Variants in P2RX7 observed in about 807,000 individuals in gnomAD.
P2RX7 encodes P2X purinoceptor 7.
P2RX7 carries 62 observed loss-of-function variants against 71.6 expected under a neutral mutation model. The ratio of observed to expected loss-of-function variants is 0.87; its 90% CI spans 0.71 to 1.07. P2RX7 has a LOEUF of 1.07. Ranked by LOEUF, P2RX7 falls within the 50% of genes least tolerant of loss-of-function variation. P2RX7 has a pLI of 0.00. For missense variants in P2RX7, 686 were observed against 748.5 expected, an observed-to-expected ratio of 0.92 and a Z score of 0.97; for synonymous variants, 299 against 283.3, an observed-to-expected ratio of 1.06 and a Z score of -0.56.
chr12:121,144,338 C>A (rs1819057690), intron 1 of P2RX7, among the ~76,000 whole-genome samples: 1 of 152,192 alleles, frequency 6.6e-6, no homozygotes, highest in Admixed American at 6.5e-5. Context: ...GCTGGGATTA[C>A]AGACGTGCAC....
Position 121,154,772 on chromosome 12 carries a change from G to A in P2RX7, c.126-13G>A. On this transcript the variant is annotated splice_polypyrimidine_tract_variant and intron_variant, in intron 1 of 12. Coordinates refer to ENST00000328963, the MANE Select transcript of P2RX7 (RefSeq NM_002562.6). This position sits in a 1 kb window ranked among gnomAD's most constrained non-coding sequence, Gnocchi z 4.2. ...ATGCCTCCCGTTGATGCTTTCCCATGTCTGCCATTTAGCTTTGCTCTGGTG... is the reference window on the plus strand; with the variant it reads ...ATGCCTCCCGTTGATGCTTTCCCATATCTGCCATTTAGCTTTGCTCTGGTG... The A allele has an allele frequency of 6.3e-7, 1 of 1,582,158 alleles. No individual in the cohort carries two copies. The highest frequency in any genetic ancestry group is 8.7e-7 in the Non-Finnish European group (1 of 1,150,864).
intron 1 of P2RX7, among the ~76,000 whole-genome samples, chr12:121,133,843 C>T (rs67691679): frequency 0.049 from 7,410 of 152,220 alleles, 224 homozygotes; most frequent in South Asian, 0.071. Context: ...TGGCACTTAG[C>T]GTGTTTTCAA....
At chr12:121,184,224 A>T in intron 12 of P2RX7, 81 bp from the exon 13 acceptor site, 1 of 1,460,856 alleles carries the variant, frequency 6.8e-7, no homozygotes, top group Non-Finnish European at 9.1e-7. Flanking sequence ...ATTAAACGTA[A>T]CTTTATAAGT....
chr12:121,162,130 A>G (rs1195986342), intron 4 of P2RX7: 1 of 662,348 alleles, frequency 1.5e-6, no homozygotes, highest in Non-Finnish European at 2.1e-6. Context: ...AAGTGAGAGC[A>G]TACACCTGTT....
At chr12:121,145,978 A>G (rs1385771530) in intron 1 of P2RX7, among the ~76,000 whole-genome samples, 1 of 152,206 alleles carries the variant, frequency 6.6e-6, no homozygotes, top group Non-Finnish European at 1.5e-5. Flanking sequence ...GAAAATTATC[A>G]TCATCATCTT....
chr12:121,169,987 C>CTTAGTG (rs1214618372), intron 8 of P2RX7, among the ~76,000 whole-genome samples: 9 of 152,250 alleles, frequency 5.9e-5, no homozygotes, highest in African/African-American at 2.2e-4. Flanking sequence ...ATCACTGTCC[C>CTTAGTG]CGCCACTCCT....
rs113350871 is a variant in P2RX7, at chr12:121,175,322, A to AAAAC, written c.882-63_882-62insCAAA. ...TGAGACCCTGTCTCAAAAAAAAAAA[A>AAAAC]AAAAAAACCCAAAACCCAGCACTTT... On this transcript the variant is annotated intron_variant, in intron 8 of 12. Coordinates refer to ENST00000328963, the MANE Select transcript of P2RX7 (RefSeq NM_002562.6). 6.3e-3 allele frequency: 6,276 copies of AAAAC among 996,288 alleles called. 298 individuals carry two copies. In the African/African-American group the frequency reaches 0.094, roughly 15 times the overall value. The allele number at this position is 996,288 out of a possible 1,614,324, so 61.7% of individuals were successfully genotyped here.
rs1884627829 is a variant in P2RX7 at position 121,184,344 on chromosome 12, CT to C, written c.1331del (p.Leu444ArgfsTer162). The C allele has an allele frequency of 6.2e-7, 1 of 1,613,696 alleles. No individual in the cohort carries two copies. Among genetic ancestry groups the C allele is most frequent in the Non-Finnish European group, 8.5e-7 (1 of 1,179,782 alleles). On this transcript the variant is annotated frameshift_variant, in exon 13 of 13. Transcript: ENST00000328963. LOFTEE classifies it low-confidence loss of function (END_TRUNC). The stretch of plus-strand genomic sequence containing the variant: ...CTTCACAGATTTGTCCAGGCTGCCC[CT>C]GGCCCTCCATGACACACCCCCGATT... Reference protein sequence around the residue: ...MDFTDLSRLPLALHDTPPIPG... With the variant: ...MDFTDLSRLPXALHDTPPIPG...
intron 1 of P2RX7, among the ~76,000 whole-genome samples, chr12:121,146,488 C>T (rs1006346311): frequency 6.6e-5 from 10 of 151,746 alleles, no homozygotes; most frequent in Admixed American, 2.0e-4. Flanking sequence ...GACGGGGTTT[C>T]ACCATGTTGG....
intron 1 of P2RX7, among the ~76,000 whole-genome samples, chr12:121,151,655 GTA>G (rs1877429788): frequency 6.6e-6 from 1 of 152,028 alleles, no homozygotes; most frequent in Admixed American, 6.6e-5. Flanking sequence ...ATTAACCACT[GTA>G]AACATGAACA....
At chr12:121,166,713 C>T (rs1329096035) in intron 7 of P2RX7, among the ~76,000 whole-genome samples, 3 of 151,968 alleles carry the variant, frequency 2.0e-5, no homozygotes, top group African/African-American at 7.3e-5. Flanking sequence ...ATTTAAGGAC[C>T]AACTGGATAA....
chr12:121,183,189 AT>A (rs1884416133), intron 12 of P2RX7, among the ~76,000 whole-genome samples: 2 of 145,840 alleles, frequency 1.4e-5, no homozygotes, highest in African/African-American at 2.5e-5. Context: ...AAAAAAAAAA[AT>A]TCTTTCTCTA....
chr12:121,151,214 A>G (rs1877324286), intron 1 of P2RX7, among the ~76,000 whole-genome samples: 1 of 151,892 alleles, frequency 6.6e-6, no homozygotes, highest in South Asian at 2.1e-4. Flanking sequence ...AGCATGGGCA[A>G]CATAGCAAGA....
chr12:121,171,050 C>T (rs905995936), intron 8 of P2RX7, among the ~76,000 whole-genome samples: 6 of 152,140 alleles, frequency 3.9e-5, no homozygotes, highest in African/African-American at 9.7e-5. Context: ...CCAGAATGCA[C>T]GACGCGCTTC....
chr12:121,166,511 A>G (rs208311), intron 7 of P2RX7, among the ~76,000 whole-genome samples: 45,385 of 151,994 alleles, frequency 0.3, 6,992 homozygotes, highest in African/African-American at 0.33. Flanking sequence ...GAGCCAGGGC[A>G]GTGCTCCCTC....
At chr12:121,180,757 G>T (rs1438218696) in intron 12 of P2RX7, among the ~76,000 whole-genome samples, 1 of 152,074 alleles carries the variant, frequency 6.6e-6, no homozygotes, top group East Asian at 1.9e-4. Context: ...GAGGTCAGGA[G>T]TTCGAGACCA....
In P2RX7 at chr12:121,186,353, G is replaced by C. The variant is rs769229564; in HGVS notation, c.*1551G>C. 1 of 152,248 alleles carries C rather than the reference G, an allele frequency of 6.6e-6. No individual in the cohort carries two copies. The highest frequency in any genetic ancestry group is 1.5e-5 in the Non-Finnish European group (1 of 68,066). The allele number at this position is 152,248 out of a possible 1,614,324, so 9.4% of individuals were successfully genotyped here. ...TCCACAGCAACAGGTAACTGGAACA[G>C]AGGGCAAGCCTGATGAATGGGCACA... On this transcript the variant is annotated 3_prime_UTR_variant, in exon 13 of 13. Transcript: ENST00000328963.
chr12:121,154,911 G>A lies in P2RX7; in HGVS notation c.252G>A (p.Val84=). 6.2e-7 allele frequency: 1 copy of A among 1,613,492 alleles called. No homozygotes were observed. Among genetic ancestry groups the A allele is most frequent in the South Asian group, 1.1e-5 (1 of 91,056 alleles). The change falls in exon 2 of 13, where the codon GTG becomes GTA. Residue 84 remains valine (V), a synonymous_variant. Transcript: ENST00000328963. This position sits in a 1 kb window ranked among gnomAD's most constrained non-coding sequence, Gnocchi z 4.2. ...EIVENGVKKL[V]HSVFDTADYT... is the part of the protein sequence containing the mutation. The stretch of plus-strand genomic sequence containing the variant: ...TGGAGAATGGAGTGAAGAAGTTGGT[G>A]CACAGTGTCTTTGACACCGCAGACT...
At position 121,177,154 on chromosome 12, in the gene P2RX7, A is replaced by T; in HGVS notation, c.980A>T (p.Lys327Ile). ...FDILVFGTGGKFDIIQLVVYI... is the reference protein window; with the variant it reads ...FDILVFGTGGIFDIIQLVVYI... ...CTCCCACTCTGTTTTTAGGGAGGAAAATTTGACATTATCCAGCTGGTTGTG... is the reference window on the plus strand; with the variant it reads ...CTCCCACTCTGTTTTTAGGGAGGAATATTTGACATTATCCAGCTGGTTGTG... The change falls in exon 10 of 13, where the codon AAA (lysine) becomes ATA (isoleucine). Residue 327 changes from lysine to isoleucine, a missense_variant. Coordinates refer to ENST00000328963, the MANE Select transcript of P2RX7 (RefSeq NM_002562.6). 6.2e-7 allele frequency: 1 copy of T among 1,614,106 alleles called. No homozygotes were observed. Among genetic ancestry groups the T allele is most frequent in the Non-Finnish European group, 8.5e-7 (1 of 1,180,006 alleles).
Sources: allele counts gnomAD v4.1 joint callset (sites outside exome capture counted in the v4.1 genomes callset), GRCh38; gene constraint gnomAD v4.1.1; non-coding constraint Gnocchi (gnomAD v3.1); transcripts MANE v1.5; gene names NCBI Gene and HGNC (gene_info 2026-07-23, HGNC 2026-07-21).